LARGE1: variants seen among roughly 807,000 people sequenced by gnomAD.
LARGE1 encodes LARGE xylosyl- and glucuronyltransferase 1.
LARGE1 carries 43 observed loss-of-function variants against 87.6 expected under a neutral mutation model. That is an observed-to-expected ratio of 0.49 (90% CI 0.38 to 0.63). The LOEUF (loss-of-function observed/expected upper bound fraction) is 0.63, where lower values mean the gene tolerates loss of function less well. LARGE1 is among the 30% of genes least tolerant of loss of function. LARGE1 has a pLI of 0.00. For synonymous variants in LARGE1, 434 were observed against 394.6 expected, an observed-to-expected ratio of 1.10 and a Z score of -1.18; for missense variants, 802 against 1,000.2, an observed-to-expected ratio of 0.80 and a Z score of 2.67.
intron 6 of LARGE1, among the ~76,000 whole-genome samples, chr22:33,488,882 G>C (rs1282488792): frequency 2.0e-5 from 3 of 152,196 alleles, no homozygotes; most frequent in Non-Finnish European, 4.4e-5. Flanking sequence ...AAGTGCAAAT[G>C]TAATCACAAC....
chr22:33,788,646 G>T (rs367779312), intron 1 of LARGE1, among the ~76,000 whole-genome samples: 1 of 152,184 alleles, frequency 6.6e-6, no homozygotes, highest in Non-Finnish European at 1.5e-5. Context: ...TAAGAAACTT[G>T]TTGGGAACTG....
chr22:33,333,013 C>CTTTTTTTTTTTGTTT (rs1937936652), intron 10 of LARGE1, among the ~76,000 whole-genome samples: 1 of 140,524 alleles, frequency 7.1e-6, no homozygotes, highest in African/African-American at 2.8e-5. Context: ...GGGCAATGTC[C>CTTTTTTTTTTTGTTT]TTTTTTTTTT....
At chr22:33,723,350 C>T (rs2083166846) in intron 2 of LARGE1, among the ~76,000 whole-genome samples, 5 of 152,166 alleles carry the variant, frequency 3.3e-5, no homozygotes, top group Non-Finnish European at 7.3e-5. Flanking sequence ...CAAAGGGAGG[C>T]ATGCCATCTT....
chr22:33,737,491 T>G (rs1488201544), intron 2 of LARGE1: 1 of 152,180 alleles, frequency 6.6e-6, no homozygotes, highest in Non-Finnish European at 1.5e-5. Flanking sequence ...TGGCTCTATT[T>G]TTGTGCTTTA....
chr22:33,920,318 A>T lies in LARGE1; in HGVS notation c.-406T>A, dbSNP rs1378685123. The T allele has an allele frequency of 6.6e-6, 1 of 152,192 alleles. No homozygotes were observed. Among genetic ancestry groups the T allele is most frequent in the African/African-American group, 2.4e-5 (1 of 41,386 alleles). 9.4% of individuals were successfully genotyped at this position (152,192 alleles called of 1,614,324 possible). A position where few individuals can be genotyped will look rare whatever the true frequency, so the allele number is the denominator to read the frequency against. ...CCTGGGTCAGCCTCGGGTTGGGTCC[A>T]GGGAGCGACCGCCGGGGCCGACTCC... On this transcript the variant is annotated 5_prime_UTR_variant, in exon 1 of 15. Coordinates refer to ENST00000397394, the MANE Select transcript of LARGE1 (RefSeq NM_133642.5).
intron 2 of LARGE1, among the ~76,000 whole-genome samples, chr22:33,712,509 A>G (rs1366611233): frequency 6.6e-6 from 1 of 152,180 alleles, no homozygotes; most frequent in Non-Finnish European, 1.5e-5. Context: ...AGTCCACTCC[A>G]TCATCAATGG....
At chr22:33,419,309 A>G (rs976373375) in intron 7 of LARGE1, among the ~76,000 whole-genome samples, 4 of 151,802 alleles carry the variant, frequency 2.6e-5, no homozygotes, top group African/African-American at 9.7e-5. Context: ...TCAAGATGAG[A>G]TCTGGGTGGA....
intron 11 of LARGE1, among the ~76,000 whole-genome samples, chr22:33,309,713 G>C (rs1602349079): frequency 6.6e-6 from 1 of 152,158 alleles, no homozygotes; most frequent in East Asian, 1.9e-4. Flanking sequence ...TGAAAAGTCT[G>C]GGGGGAAAGC....
intron 5 of LARGE1, among the ~76,000 whole-genome samples, chr22:33,590,464 C>G (rs906986387): frequency 1.3e-5 from 2 of 152,154 alleles, no homozygotes; most frequent in African/African-American, 2.4e-5. Context: ...ACGTACAGTT[C>G]AATTTAATAA....
At chr22:33,684,939 T>C (rs1049014380) in intron 2 of LARGE1, among the ~76,000 whole-genome samples, 2 of 152,212 alleles carry the variant, frequency 1.3e-5, no homozygotes, top group African/African-American at 4.8e-5. Flanking sequence ...TGAGGCTCCA[T>C]GACCATTGGT....
chr22:33,384,387 C>G, intron 7 of LARGE1, 83 bp from the exon 8 acceptor site: 2 of 973,074 alleles, frequency 2.1e-6, no homozygotes, highest in Admixed American at 1.8e-5. Flanking sequence ...ATCACAGCCA[C>G]AGTCTCTCGG....
intron 5 of LARGE1, chr22:33,572,065 T>C: frequency 4.0e-6 from 2 of 496,832 alleles, no homozygotes; most frequent in Admixed American, 5.6e-5. Context: ...GCTTCCTTCC[T>C]AAGGCGTTAC....
At chr22:33,554,076 G>T (rs1475213966) in intron 6 of LARGE1, among the ~76,000 whole-genome samples, 1 of 152,088 alleles carries the variant, frequency 6.6e-6, no homozygotes, top group African/African-American at 2.4e-5. Flanking sequence ...TCATTCACTG[G>T]GTGTGGGCTG....
At chr22:33,784,839 TAC>T (rs1053360296) in intron 1 of LARGE1, among the ~76,000 whole-genome samples, 2 of 151,666 alleles carry the variant, frequency 1.3e-5, no homozygotes, top group African/African-American at 4.8e-5. Flanking sequence ...ATGTATAATA[TAC>T]ACACATAGAC....
intron 4 of LARGE1, among the ~76,000 whole-genome samples, chr22:33,612,427 A>G (rs1156863276): frequency 6.6e-6 from 1 of 152,192 alleles, no homozygotes; most frequent in Non-Finnish European, 1.5e-5. Flanking sequence ...TAGCAACACA[A>G]GAACAGTCTA....
At chr22:33,700,669 G>A (rs751220806) in intron 2 of LARGE1, among the ~76,000 whole-genome samples, 1 of 152,184 alleles carries the variant, frequency 6.6e-6, no homozygotes, top group Non-Finnish European at 1.5e-5. Context: ...CCAAATGCTG[G>A]TGGCCTGGAG....
chr22:33,917,140 T>C (rs1234287106), intron 1 of LARGE1, among the ~76,000 whole-genome samples: 1 of 152,224 alleles, frequency 6.6e-6, no homozygotes, highest in Non-Finnish European at 1.5e-5. Context: ...CTCTACATGC[T>C]GAACTGGGCC....
At chr22:33,527,205 G>A (rs777331056) in intron 6 of LARGE1, among the ~76,000 whole-genome samples, 17 of 152,186 alleles carry the variant, frequency 1.1e-4, no homozygotes, top group Non-Finnish European at 1.8e-4. Context: ...GCAGTGAGCC[G>A]AGATCGCACC....
At position 33,620,231 on chromosome 22, in the gene LARGE1, T is replaced by C. The variant is rs141726745; in HGVS notation, c.491+6013A>G. Among the ~76,000 whole-genome samples the C allele has an allele frequency of 1.3e-3, 205 of 152,360 alleles. 1 individual carries two copies. The highest frequency in any genetic ancestry group is 4.6e-3 in the African/African-American group (190 of 41,578). On this transcript the variant is annotated intron_variant, in intron 4 of 14. Transcript: ENST00000397394. Reference sequence around the variant, plus strand: ...AAGTAAGGCAAATAACCCAGCTTCATCCTGCCAACAAGGCTGTAGAGTGTG... The same window carrying C: ...AAGTAAGGCAAATAACCCAGCTTCACCCTGCCAACAAGGCTGTAGAGTGTG...
Sources: gnomAD v4.1 joint callset for allele counts (sites outside exome capture counted in the v4.1 genomes callset) on GRCh38, gnomAD v4.1.1 for gene constraint, MANE v1.5 for transcripts, NCBI Gene and HGNC (gene_info 2026-07-23, HGNC 2026-07-21) for gene names.